SLC30A8: variants seen among roughly 807,000 people sequenced by gnomAD.
SLC30A8 encodes proton-coupled zinc antiporter SLC30A8.
SLC30A8 carries 27 observed loss-of-function variants against 36.9 expected under a neutral mutation model. The ratio of observed to expected loss-of-function variants is 0.73; its 90% confidence interval spans 0.54 to 1.01. The LOEUF (loss-of-function observed/expected upper bound fraction) is 1.01. Ranked by LOEUF, SLC30A8 falls within the 50% of genes least tolerant of loss-of-function variation. SLC30A8 has a pLI of 0.00. For synonymous variants in SLC30A8, 164 were observed against 172.4 expected (o/e 0.95, Z 0.38); for missense variants, 439 against 452.0 (o/e 0.97, Z 0.26).
intron 1 of SLC30A8, among the ~76,000 whole-genome samples, chr8:117,005,912 C>T (rs149873118): frequency 1.1e-4 from 16 of 152,218 alleles, no homozygotes; most frequent in African/African-American, 2.6e-4. Flanking sequence ...ATCCAGTTTG[C>T]GTATTTCTTA....
At chr8:117,052,488 T>A (rs1238806661) in intron 2 of SLC30A8, among the ~76,000 whole-genome samples, 1 of 152,184 alleles carries the variant, frequency 6.6e-6, no homozygotes, top group Non-Finnish European at 1.5e-5. Flanking sequence ...TTAGGTACAG[T>A]TTTAACACAG....
At chr8:117,045,799 C>A (rs1004485696) in intron 2 of SLC30A8, among the ~76,000 whole-genome samples, 1 of 152,206 alleles carries the variant, frequency 6.6e-6, no homozygotes, top group Admixed American at 6.5e-5. Context: ...CATTTGGACA[C>A]TAACGTGAAT....
intron 1 of SLC30A8, among the ~76,000 whole-genome samples, chr8:116,997,757 C>G (rs1815869231): frequency 6.6e-6 from 1 of 152,062 alleles, no homozygotes. Flanking sequence ...CCAAGGCTTG[C>G]GAAGTTATTG....
chr8:117,065,264 T>C (rs1316611325), intron 2 of SLC30A8, among the ~76,000 whole-genome samples: 1 of 152,140 alleles, frequency 6.6e-6, no homozygotes, highest in Non-Finnish European at 1.5e-5. Context: ...TCTCTATGCT[T>C]AGTGAGATTG....
intron 2 of SLC30A8, among the ~76,000 whole-genome samples, chr8:117,113,264 A>G (rs181953667): frequency 1.4e-4 from 21 of 152,288 alleles, no homozygotes; most frequent in Non-Finnish European, 1.6e-4. Context: ...TTTAGTGGGA[A>G]AATAATGAAC....
intron 2 of SLC30A8, among the ~76,000 whole-genome samples, chr8:117,057,306 G>A (rs956693858): frequency 1.2e-4 from 18 of 152,092 alleles, no homozygotes; most frequent in African/African-American, 4.3e-4. Context: ...TGATGATTTG[G>A]TATACATACA....
intron 1 of SLC30A8, among the ~76,000 whole-genome samples, chr8:117,011,088 A>C (rs1252791243): frequency 1.3e-5 from 2 of 152,132 alleles, no homozygotes; most frequent in Non-Finnish European, 1.5e-5. Flanking sequence ...ACTCTTATCT[A>C]CTTCATCCTC....
intron 4 of SLC30A8, among the ~76,000 whole-genome samples, chr8:117,158,129 C>T (rs1449247454): frequency 6.6e-6 from 1 of 152,150 alleles, no homozygotes; most frequent in Non-Finnish European, 1.5e-5. Context: ...CACAACACCC[C>T]TATGTTATAG....
chr8:117,069,293 C>T (rs748244467), intron 2 of SLC30A8, among the ~76,000 whole-genome samples: 1 of 152,152 alleles, frequency 6.6e-6, no homozygotes, highest in South Asian at 2.1e-4. Context: ...AAAAGTATAT[C>T]GTGGTGTTCC....
At chr8:116,989,513 CAATTT>C (rs767841873) in intron 1 of SLC30A8, among the ~76,000 whole-genome samples, 1 of 152,072 alleles carries the variant, frequency 6.6e-6, no homozygotes, top group Non-Finnish European at 1.5e-5. Context: ...GTAAATTAAA[CAATTT>C]AGTTTACTCA....
chr8:117,058,669 G>C lies in SLC30A8; in HGVS notation c.-226+19411G>C, dbSNP rs12679099. Among the ~76,000 whole-genome samples the C allele has an allele frequency of 2.3e-3, 355 of 152,268 alleles. 3 individuals carry two copies. In the East Asian group the frequency reaches 0.031, roughly 13 times the overall value. On this transcript the variant is annotated intron_variant, in intron 2 of 10. Coordinates refer to the SLC30A8 transcript ENST00000427715. ...GTGAGCCAAATCCAGACTGCCACCC[G>C]GTTTTGCATGGCCTATGAACTAAGA...
chr8:117,012,989 G>C (rs1365029988), intron 1 of SLC30A8, among the ~76,000 whole-genome samples: 1 of 151,966 alleles, frequency 6.6e-6, no homozygotes, highest in Non-Finnish European at 1.5e-5. Flanking sequence ...GGCTACTTTT[G>C]ATGAAAGAGC....
intron 4 of SLC30A8, among the ~76,000 whole-genome samples, chr8:117,160,419 G>A (rs966685422): frequency 6.9e-6 from 1 of 145,886 alleles, no homozygotes; most frequent in Non-Finnish European, 1.5e-5. Context: ...GTGTGTGTGT[G>A]TGTGTGTGTG....
At chr8:116,960,605 ATAG>A (rs1273352636) in intron 1 of SLC30A8, among the ~76,000 whole-genome samples, 1 of 152,264 alleles carries the variant, frequency 6.6e-6, no homozygotes, top group Non-Finnish European at 1.5e-5. Flanking sequence ...AGAGGTAGAA[ATAG>A]TAGAATTTAT....
At chr8:117,110,902 C>T (rs1218865063) in intron 2 of SLC30A8, among the ~76,000 whole-genome samples, 2 of 152,044 alleles carry the variant, frequency 1.3e-5, no homozygotes, top group Non-Finnish European at 2.9e-5. Context: ...GGTTAGAGGC[C>T]GTCGGGTGAT....
intron 1 of SLC30A8, among the ~76,000 whole-genome samples, chr8:117,146,668 TC>T (rs1340102210): frequency 6.6e-6 from 1 of 152,200 alleles, no homozygotes; most frequent in Admixed American, 6.5e-5. Context: ...TCAAAATGTA[TC>T]TGCTTCTTTT....
chr8:117,080,654 A>G (rs963882833), intron 2 of SLC30A8, among the ~76,000 whole-genome samples: 2 of 152,224 alleles, frequency 1.3e-5, no homozygotes, highest in Admixed American at 6.5e-5. Context: ...TGTTGCTGCA[A>G]AGAACATGAT....
rs1482022958 is a variant in SLC30A8 at position 117,173,385 on chromosome 8, C to T, written c.*704C>T. ...CAGAGTGCTTAAACACTGGCACCAG[C>T]CAAAGAATGTGGTTGTAGAGACCCA... On this transcript the variant is annotated 3_prime_UTR_variant, in exon 8 of 8. Coordinates refer to ENST00000456015, the MANE Select transcript of SLC30A8 (RefSeq NM_173851.3). 2 of 152,088 alleles carry T rather than the reference C, an allele frequency of 1.3e-5. No homozygotes were observed. The highest frequency in any genetic ancestry group is 1.3e-4 in the Admixed American group (2 of 15,266). The allele number at this position is 152,088 out of a possible 1,614,324, so 9.4% of individuals were successfully genotyped here.
chr8:117,020,780 A>G (rs1027163336), intron 1 of SLC30A8, among the ~76,000 whole-genome samples: 1 of 152,182 alleles, frequency 6.6e-6, no homozygotes, highest in Non-Finnish European at 1.5e-5. Flanking sequence ...GAAGATGTAA[A>G]ATTATCTCAT....
Sources: gnomAD v4.1 joint callset for allele counts (sites outside exome capture counted in the v4.1 genomes callset) on GRCh38, gnomAD v4.1.1 for gene constraint, MANE v1.5 for transcripts, NCBI Gene and HGNC (gene_info 2026-07-23, HGNC 2026-07-21) for gene names.